The following KATNIP variants were observed in gnomAD, a reference collection of about 807,000 sequenced individuals.
The protein encoded by KATNIP is katanin-interacting protein.
KATNIP carries 126 observed loss-of-function variants against 174.0 expected under a neutral mutation model. The ratio of observed to expected loss-of-function variants is 0.72; its 90% CI spans 0.63 to 0.84. The LOEUF is 0.84. KATNIP is among the 40% of genes least tolerant of loss of function. The probability of loss-of-function intolerance (pLI) is 0.00; values close to 1 mark genes in which losing one functional copy is unlikely to be tolerated. For missense variants in KATNIP, 1,958 were observed against 2,109.7 expected, an observed-to-expected ratio of 0.93 and a Z score of 1.41; for synonymous variants, 810 against 835.7, an observed-to-expected ratio of 0.97 and a Z score of 0.53.
rs2090735624 is a variant in KATNIP, at chr16:27,582,457, G to C, written c.63+8501G>C. Among the ~76,000 whole-genome samples, 3 of 152,080 alleles carry C rather than the reference G, an allele frequency of 2.0e-5. No homozygotes were observed. In the South Asian group the frequency reaches 6.2e-4, roughly 32 times the overall value. On this transcript the variant is annotated intron_variant, in intron 2 of 27. Transcript: ENST00000261588. ...TCAACTGCCAAATGTATTCCCACTT[G>C]CGAAATTATTGTTGTCAGTCTTTCT...
Position 27,776,967 on chromosome 16 carries a change from G to A in KATNIP, c.4489G>A (p.Val1497Met), listed in dbSNP as rs564356855. 10 of 1,613,956 alleles carry A rather than the reference G, an allele frequency of 6.2e-6. No individual in the cohort carries two copies. The highest frequency in any genetic ancestry group is 4.5e-5 in the East Asian group (2 of 44,884). ...VYVIFDLPTT[V>M]SMIKLWNYAK... ...TGTGATTTTCGATCTGCCTACCACC[G>A]TGTCAATGATCAAACTGTGGAATTA... Residue 1497 changes from valine (V) to methionine (M), a missense_variant, in exon 25 of 28, where the codon GTG becomes ATG. Around this residue, in one of 3 missense-constraint regions of KATNIP, gnomAD observed 383 missense variants for 456.0 expected, o/e 0.84. Coordinates refer to ENST00000261588, the MANE Select transcript of KATNIP (RefSeq NM_015202.5). The surrounding 1 kb of genome is among the most constrained non-coding windows in gnomAD (Gnocchi z 4.7).
At chr16:27,602,740 C>T (rs547393403) in intron 2 of KATNIP, among the ~76,000 whole-genome samples, 2 of 152,148 alleles carry the variant, frequency 1.3e-5, no homozygotes, top group East Asian at 1.9e-4. Context: ...GCTCTGTTGC[C>T]CAGGCTGGAG....
intron 23 of KATNIP, 129 bp from the exon 24 acceptor site, chr16:27,774,816 A>T: frequency 9.4e-7 from 1 of 1,062,596 alleles, no homozygotes; most frequent in Non-Finnish European, 1.4e-6. Flanking sequence ...TTCAGCTGTC[A>T]CTGCTGCGGC....
chr16:27,707,420 A>G (rs929630297), intron 12 of KATNIP, among the ~76,000 whole-genome samples: 3 of 152,226 alleles, frequency 2.0e-5, no homozygotes, highest in African/African-American at 4.8e-5. Context: ...ATTAAAACCA[A>G]TGAAGGAGAG....
Position 27,778,850 on chromosome 16 carries a change from T to TCTG in KATNIP, c.*221_*222insCTG. ...CAAAGAGATCCCCTGCAGTTCTGGG[T>TCTG]TGGCCACAGGGAGCCCAGGACACCC... On this transcript the variant is annotated 3_prime_UTR_variant, in exon 28 of 28. Coordinates refer to ENST00000261588, the MANE Select transcript of KATNIP (RefSeq NM_015202.5). 1 of 492,964 alleles carries TCTG rather than the reference T, an allele frequency of 2.0e-6. No homozygotes were observed. Among genetic ancestry groups the TCTG allele is most frequent in the Admixed American group, 3.6e-5 (1 of 27,528 alleles). The allele number at this position is 492,964 out of a possible 1,614,324, so 30.5% of individuals were successfully genotyped here.
chr16:27,569,453 G>A (rs2141667978), intron 1 of KATNIP, among the ~76,000 whole-genome samples: 1 of 152,162 alleles, frequency 6.6e-6, no homozygotes, highest in Non-Finnish European at 1.5e-5. Flanking sequence ...AAGTATATTG[G>A]CCTTATTTAT....
intron 6 of KATNIP, among the ~76,000 whole-genome samples, chr16:27,660,377 C>T (rs796962009): frequency 6.6e-5 from 10 of 152,212 alleles, no homozygotes; most frequent in Non-Finnish European, 1.2e-4. Context: ...GGTGAAACCC[C>T]GTCTCTATTA....
rs751072661 is a variant in KATNIP, at chr16:27,654,584, C to G, written c.540+5849C>G. The G allele has an allele frequency of 1.3e-5, 17 of 1,351,750 alleles. No homozygotes were observed. In the Admixed American group the frequency reaches 1.9e-4, roughly 15 times the overall value. The allele number at this position is 1,351,750 out of a possible 1,614,324, so 83.7% of individuals were successfully genotyped here. ...GGACAGGAAGTTGTTTTTACCATGC[C>G]CAGTTTTCTGTGCTTGTCCCTAGGA... On this transcript the variant is annotated intron_variant, in intron 6 of 27. Transcript: ENST00000261588.
At chr16:27,584,891 T>C (rs1322070175) in intron 2 of KATNIP, among the ~76,000 whole-genome samples, 1 of 152,192 alleles carries the variant, frequency 6.6e-6, no homozygotes, top group Non-Finnish European at 1.5e-5. Flanking sequence ...AGAGGAAGTC[T>C]AGGCTCAGAG....
intron 19 of KATNIP, 53 bp from the exon 20 acceptor site, chr16:27,766,256 G>A (rs2144110021): frequency 6.3e-7 from 1 of 1,591,570 alleles, no homozygotes; most frequent in Admixed American, 1.7e-5. Flanking sequence ...CCACTGTGAT[G>A]CCTCCTGTGC....
rs372306598 is a variant in KATNIP, at chr16:27,648,546, C to T, written c.409-58C>T. 3,179 of 1,599,690 alleles carry T rather than the reference C, an allele frequency of 2.0e-3. 97 individuals carry two copies. In the South Asian group the frequency reaches 0.032, roughly 16 times the overall value. On this transcript the variant is annotated intron_variant, in intron 5 of 27. Coordinates refer to ENST00000261588, the MANE Select transcript of KATNIP (RefSeq NM_015202.5). Reference sequence around the variant, plus strand: ...ACCTCTCCAGTGCCAGTCCCTGCCCCGCAGAGGAATGAAGACCTCATTCCA... The same window carrying T: ...ACCTCTCCAGTGCCAGTCCCTGCCCTGCAGAGGAATGAAGACCTCATTCCA...
At chr16:27,551,284 CATTCTTTT>C (rs2089352161) in intron 1 of KATNIP, among the ~76,000 whole-genome samples, 3 of 152,174 alleles carry the variant, frequency 2.0e-5, no homozygotes, top group Admixed American at 6.5e-5. Flanking sequence ...GGGGAATCCA[CATTCTTTT>C]TATATTCACT....
chr16:27,629,155 G>A (rs1289173849), intron 4 of KATNIP, among the ~76,000 whole-genome samples: 2 of 143,778 alleles, frequency 1.4e-5, no homozygotes, highest in Non-Finnish European at 1.5e-5. Flanking sequence ...GTGACAGAGC[G>A]AGACTCTGTC....
chr16:27,687,880 A>G (rs998301382), intron 8 of KATNIP, among the ~76,000 whole-genome samples: 11 of 152,174 alleles, frequency 7.2e-5, no homozygotes, highest in African/African-American at 1.9e-4. Context: ...CATTCTGCCA[A>G]AGTCCAGAGA....
At chr16:27,714,822 A>G (rs771310008) in intron 13 of KATNIP, among the ~76,000 whole-genome samples, 31 of 152,226 alleles carry the variant, frequency 2.0e-4, no homozygotes, top group Non-Finnish European at 4.0e-4. Flanking sequence ...AAACTGGAAA[A>G]GCATCCCCTG....
chr16:27,617,576 G>C (rs2076078004), intron 2 of KATNIP, among the ~76,000 whole-genome samples: 1 of 152,212 alleles, frequency 6.6e-6, no homozygotes, highest in Non-Finnish European at 1.5e-5. Context: ...GGGCTGAGCA[G>C]TTCCCCAAAG....
chr16:27,589,510 A>G (rs117849634), intron 2 of KATNIP, among the ~76,000 whole-genome samples: 2,161 of 152,326 alleles, frequency 0.014, 18 homozygotes, highest in Non-Finnish European at 0.024. Context: ...CCTAAATAAT[A>G]GGGATTTGTT....
At chr16:27,766,842 C>T (rs970151677) in intron 20 of KATNIP, among the ~76,000 whole-genome samples, 8 of 152,148 alleles carry the variant, frequency 5.3e-5, no homozygotes, top group Middle Eastern at 3.2e-3. Flanking sequence ...ATTCTCATTC[C>T]AGCCAATGGG....
chr16:27,744,064 G>A lies in KATNIP; in HGVS notation c.2623+3144G>A, dbSNP rs149477346. ...AGATTTCATGCTTGTTAAGTCAGTCGTGCTAAAAAGGAAAGTTGCTTAGAA... is the reference window on the plus strand; with the variant it reads ...AGATTTCATGCTTGTTAAGTCAGTCATGCTAAAAAGGAAAGTTGCTTAGAA... On this transcript the variant is annotated intron_variant, in intron 15 of 27. Transcript: ENST00000261588. 2.4e-4 allele frequency among the ~76,000 whole-genome samples: 36 copies of A among 152,276 alleles called. No individual in the cohort carries two copies. The East Asian group carries it at 5.2e-3, about 22-fold the overall frequency.
Sources: gnomAD v4.1 joint callset for allele counts (sites outside exome capture counted in the v4.1 genomes callset) on GRCh38, gnomAD v4.1.1 for gene constraint, gnomAD v4.1.1 regional missense constraint, Gnocchi (gnomAD v3.1) non-coding constraint, MANE v1.5 for transcripts, NCBI Gene and HGNC (gene_info 2026-07-23, HGNC 2026-07-21) for gene names.